Variants in CREB5 observed in about 807,000 individuals in gnomAD.
The protein encoded by CREB5 is cyclic AMP-responsive element-binding protein 5.
In CREB5, 19 loss-of-function variants were observed where a neutral mutation model predicts 57.1. The observed-to-expected ratio is 0.33, with a 90% confidence interval of 0.23 to 0.49. The LOEUF is 0.49. Ranked by LOEUF, CREB5 falls within the 20% of genes least tolerant of loss-of-function variation. The pLI, the probability that CREB5 is intolerant of heterozygous loss-of-function variation, is 0.99. For missense variants in CREB5, 579 were observed against 671.6 expected (o/e 0.86, Z 1.52); for synonymous variants, 238 against 238.3 (o/e 1.00, Z 0.01).
chr7:28,627,525 G>A (rs1326888907), intron 5 of CREB5, among the ~76,000 whole-genome samples: 1 of 152,088 alleles, frequency 6.6e-6, no homozygotes, highest in Non-Finnish European at 1.5e-5. Context: ...TTAATCTTCT[G>A]GCTTAAATTT....
intron 5 of CREB5, among the ~76,000 whole-genome samples, chr7:28,681,890 T>G (rs1800612092): frequency 6.6e-6 from 1 of 152,198 alleles, no homozygotes; most frequent in Admixed American, 6.5e-5. Flanking sequence ...GTACAATGAC[T>G]TGCACATTTT....
chr7:28,458,281 T>C (rs1232347311), intron 1 of CREB5, among the ~76,000 whole-genome samples: 1 of 152,238 alleles, frequency 6.6e-6, no homozygotes, highest in Non-Finnish European at 1.5e-5. Flanking sequence ...GATGAGAAGA[T>C]ATAAACTGAC....
chr7:28,506,403 G>A (rs1216253137), intron 3 of CREB5, among the ~76,000 whole-genome samples: 1 of 152,218 alleles, frequency 6.6e-6, no homozygotes, highest in East Asian at 1.9e-4. Flanking sequence ...GAACTATGCA[G>A]AGATTTTGAG....
In CREB5 at chr7:28,412,901, T is replaced by A. The variant is rs1330470577; in HGVS notation, c.-14T>A. ...TGCAGGAAGCAACACGTTGCTGCTT[T>A]TATTCTACAGATAATGGTAAGGATG... is the stretch of plus-strand genomic sequence containing the variant. On this transcript the variant is annotated 5_prime_UTR_variant, in exon 1 of 11. Coordinates refer to ENST00000357727, the MANE Select transcript of CREB5 (RefSeq NM_182898.4). 6.7e-7 allele frequency: 1 copy of A among 1,494,574 alleles called. No homozygotes were observed. Among genetic ancestry groups the A allele is most frequent in the Admixed American group, 2.2e-5 (1 of 45,578 alleles). The allele number at this position is 1,494,574 out of a possible 1,614,324, so 92.6% of individuals were successfully genotyped here.
intron 5 of CREB5, among the ~76,000 whole-genome samples, chr7:28,623,652 A>G (rs1797886455): frequency 6.6e-6 from 1 of 152,190 alleles, no homozygotes; most frequent in Non-Finnish European, 1.5e-5. Flanking sequence ...GAGTGAAAAC[A>G]TATCTCAGTG....
At chr7:28,805,912 T>C (rs949421732) in intron 8 of CREB5, among the ~76,000 whole-genome samples, 2 of 152,034 alleles carry the variant, frequency 1.3e-5, no homozygotes, top group African/African-American at 2.4e-5. Flanking sequence ...TCCAAACCAG[T>C]AGAAGTTTAG....
intron 5 of CREB5, among the ~76,000 whole-genome samples, chr7:28,710,676 T>C (rs554983957): frequency 6.6e-6 from 1 of 152,298 alleles, no homozygotes; most frequent in East Asian, 1.9e-4. Flanking sequence ...AAATGGTCCC[T>C]TCTAAGAGCC....
intron 5 of CREB5, among the ~76,000 whole-genome samples, chr7:28,585,561 C>T (rs890435538): frequency 4.6e-5 from 7 of 152,214 alleles, no homozygotes; most frequent in African/African-American, 1.4e-4. Flanking sequence ...GCTTATGTGA[C>T]AGGACTGTTC....
At chr7:28,346,086 C>T (rs1358134304) in intron 1 of CREB5, among the ~76,000 whole-genome samples, 1 of 152,070 alleles carries the variant, frequency 6.6e-6, no homozygotes, top group African/African-American at 2.4e-5. Flanking sequence ...TTCTGAGATG[C>T]AAATCAGCAT....
At chr7:28,738,639 G>C (rs2128755488) in intron 7 of CREB5, among the ~76,000 whole-genome samples, 1 of 152,298 alleles carries the variant, frequency 6.6e-6, no homozygotes, top group African/African-American at 2.4e-5. Context: ...ACAAAGTCAT[G>C]GCTTAATGAC....
intron 1 of CREB5, among the ~76,000 whole-genome samples, chr7:28,422,817 G>A (rs2128010911): frequency 6.6e-6 from 1 of 152,272 alleles, no homozygotes; most frequent in East Asian, 1.9e-4. Context: ...GTTTCTCTAT[G>A]AGAGTAACTG....
At chr7:28,560,865 C>CGTGTG (rs1491128731) in intron 4 of CREB5, among the ~76,000 whole-genome samples, 2 of 14,818 alleles carry the variant, frequency 1.3e-4, no homozygotes, top group African/African-American at 6.2e-4. Context: ...TGTGCGTGTG[C>CGTGTG]CTGCGTGCGC....
intron 5 of CREB5, among the ~76,000 whole-genome samples, chr7:28,613,984 GGTCTCACTCT>G (rs1797502507): frequency 6.6e-6 from 1 of 151,946 alleles, no homozygotes; most frequent in African/African-American, 2.4e-5. Context: ...TTTGACATAG[GGTCTCACTCT>G]GTCACCCAGG....
At chr7:28,461,664 G>C (rs916310298) in intron 1 of CREB5, among the ~76,000 whole-genome samples, 1 of 152,150 alleles carries the variant, frequency 6.6e-6, no homozygotes, top group African/African-American at 2.4e-5. Context: ...TCATGTCATT[G>C]TAACACTTTC....
intron 7 of CREB5, among the ~76,000 whole-genome samples, chr7:28,769,099 CAA>C (rs2128774909): frequency 6.6e-6 from 1 of 152,298 alleles, no homozygotes; most frequent in South Asian, 2.1e-4. Flanking sequence ...CATTAACAGG[CAA>C]AGAGTTGGGA....
At chr7:28,316,689 A>G (rs1450554564) in intron 1 of CREB5, among the ~76,000 whole-genome samples, 2 of 152,154 alleles carry the variant, frequency 1.3e-5, no homozygotes, top group Non-Finnish European at 2.9e-5. Context: ...TTCTTAGTGT[A>G]TAACTGGCAG....
chr7:28,306,543 TTTG>T (rs1369887719), intron 1 of CREB5, among the ~76,000 whole-genome samples: 2 of 51,094 alleles, frequency 3.9e-5, no homozygotes, highest in South Asian at 7.1e-4. Context: ...CAGATACAGT[TTTG>T]TTTTTTTTGT....
At chr7:28,644,942 G>A (rs1798833343) in intron 5 of CREB5, among the ~76,000 whole-genome samples, 2 of 152,154 alleles carry the variant, frequency 1.3e-5, no homozygotes, top group East Asian at 3.9e-4. Flanking sequence ...TAGAGGAAAG[G>A]CATGTGAAGA....
At chr7:28,641,498 G>T (rs1798657660) in intron 5 of CREB5, among the ~76,000 whole-genome samples, 1 of 152,082 alleles carries the variant, frequency 6.6e-6, no homozygotes, top group Non-Finnish European at 1.5e-5. Flanking sequence ...GTAGCACAAG[G>T]TTCTCCTGAC....
Sources: gnomAD v4.1 joint callset for allele counts (sites outside exome capture counted in the v4.1 genomes callset) on GRCh38, gnomAD v4.1.1 for gene constraint, MANE v1.5 for transcripts, NCBI Gene and HGNC (gene_info 2026-07-23, HGNC 2026-07-21) for gene names.